The following MAGI2 variants were observed in gnomAD, a reference collection of about 807,000 sequenced individuals.
MAGI2 encodes membrane associated guanylate kinase, WW and PDZ domain containing 2.
Under a neutral mutation model 133.3 loss-of-function variants are expected in MAGI2, and 35 were observed. The observed-to-expected ratio is 0.26, with a 90% confidence interval of 0.20 to 0.35. The LOEUF (loss-of-function observed/expected upper bound fraction) is 0.35. Among genes scored for constraint, MAGI2 ranks in the 10% least tolerant of loss-of-function variants. The pLI is 1.00. For synonymous variants in MAGI2, 729 were observed against 710.6 expected (o/e 1.03, Z -0.41); for missense variants, 1,636 against 1,863.4 (o/e 0.88, Z 2.25).
chr7:78,084,773 T>C (rs1268198071), intron 20 of MAGI2, among the ~76,000 whole-genome samples: 20 of 152,240 alleles, frequency 1.3e-4, no homozygotes, highest in Non-Finnish European at 1.5e-5. Context: ...ATGGGTGCTC[T>C]GACGCTGGGA....
chr7:78,655,454 CAAAAAAAAAA>C, intron 2 of MAGI2, among the ~76,000 whole-genome samples: 6 of 64,948 alleles, frequency 9.2e-5, no homozygotes, highest in East Asian at 5.2e-4. Flanking sequence ...AAAAAACAAC[CAAAAAAAAAA>C]AAAAAAAAAA....
Position 78,629,463 on chromosome 7 carries a change from T to G in MAGI2, c.419-2224A>C, listed in dbSNP as rs145737762. ...CTGATCTCTTGTAATTTCCCTGATG[T>G]TCCCCAAATCTGGCTTTATTTGCCT... On this transcript the variant is annotated intron_variant, in intron 2 of 21. Transcript: ENST00000354212. Among the ~76,000 whole-genome samples the G allele has an allele frequency of 4.7e-4, 71 of 152,284 alleles. No individual in the cohort carries two copies. In the East Asian group the frequency reaches 0.012, roughly 26 times the overall value.
intron 1 of MAGI2, among the ~76,000 whole-genome samples, chr7:79,233,680 A>G (rs1443707445): frequency 1.3e-5 from 1 of 75,996 alleles, no homozygotes; most frequent in East Asian, 3.7e-4. Context: ...TTTTGAGCCT[A>G]TGTGTGTCTC....
chr7:79,260,068 T>TA (rs1051576591), intron 1 of MAGI2, among the ~76,000 whole-genome samples: 40 of 152,328 alleles, frequency 2.6e-4, no homozygotes, highest in African/African-American at 8.4e-4. Flanking sequence ...GCAAGTGCAG[T>TA]ACAAGGCTGG....
intron 10 of MAGI2, among the ~76,000 whole-genome samples, chr7:78,232,934 A>G (rs553160313): frequency 1.5e-4 from 23 of 152,318 alleles, no homozygotes; most frequent in African/African-American, 5.5e-4. Context: ...GTTCACTGCT[A>G]CATTAAGGAG....
chr7:78,369,181 GATC>G lies in MAGI2; in HGVS notation c.1075_1077del (p.Asp359del). ...TCAACATAATAAGTGCCATAAATGG[GATC>G]ATCGATTTTTTCCCAGCCATATGGA... On this transcript the variant is annotated inframe_deletion, in exon 7 of 22. Transcript: ENST00000354212. The G allele has an allele frequency of 6.2e-7, 1 of 1,604,474 alleles. No individual in the cohort carries two copies. The highest frequency in any genetic ancestry group is 8.5e-7 in the Non-Finnish European group (1 of 1,174,470).
chr7:78,663,654 C>A (rs1348428552), intron 2 of MAGI2, among the ~76,000 whole-genome samples: 1 of 152,130 alleles, frequency 6.6e-6, no homozygotes, highest in Non-Finnish European at 1.5e-5. Context: ...GCTAAGAGAC[C>A]TTAGCACGAT....
At chr7:78,094,114 G>A (rs1817493847) in intron 20 of MAGI2, among the ~76,000 whole-genome samples, 1 of 152,128 alleles carries the variant, frequency 6.6e-6, no homozygotes, top group South Asian at 2.1e-4. Flanking sequence ...GTTAATCTTT[G>A]CATGATTATT....
At chr7:78,857,670 G>T (rs1793776468) in intron 2 of MAGI2, among the ~76,000 whole-genome samples, 1 of 152,294 alleles carries the variant, frequency 6.6e-6, no homozygotes, top group Middle Eastern at 3.4e-3. Context: ...TTTTACTGAG[G>T]ATATTTACAT....
intron 1 of MAGI2, among the ~76,000 whole-genome samples, chr7:79,197,644 G>A (rs117342777): frequency 0.011 from 1,647 of 152,092 alleles, 16 homozygotes; most frequent in Non-Finnish European, 0.018. Context: ...TGTTGCTGCT[G>A]TAACAAAATA....
At chr7:79,398,647 T>C (rs1420600086) in intron 1 of MAGI2, among the ~76,000 whole-genome samples, 1 of 152,230 alleles carries the variant, frequency 6.6e-6, no homozygotes, top group Non-Finnish European at 1.5e-5. Flanking sequence ...GAAAAGCCTT[T>C]CTAGCACCAG....
chr7:78,155,751 C>T (rs931224793), intron 16 of MAGI2, among the ~76,000 whole-genome samples: 7 of 152,194 alleles, frequency 4.6e-5, no homozygotes, highest in East Asian at 3.8e-4. Flanking sequence ...TCACTGACCT[C>T]GGAAGGAAGC....
intron 9 of MAGI2, among the ~76,000 whole-genome samples, chr7:78,320,609 G>C (rs1787898216): frequency 2.6e-5 from 4 of 152,180 alleles, no homozygotes; most frequent in Non-Finnish European, 5.9e-5. Context: ...ACTAGGTATT[G>C]ATGGAACATA....
chr7:78,646,603 T>C (rs1183424393), intron 2 of MAGI2, among the ~76,000 whole-genome samples: 1 of 152,214 alleles, frequency 6.6e-6, no homozygotes, highest in Non-Finnish European at 1.5e-5. Context: ...AAAAATATAC[T>C]TGGCAATACA....
intron 1 of MAGI2, among the ~76,000 whole-genome samples, chr7:79,331,436 C>T (rs1029432928): frequency 1.3e-5 from 2 of 152,116 alleles, no homozygotes; most frequent in Non-Finnish European, 1.5e-5. Flanking sequence ...AACTAAAATA[C>T]CAACGTAGAC....
At chr7:78,993,951 A>G (rs1349049422) in intron 2 of MAGI2, among the ~76,000 whole-genome samples, 1 of 152,066 alleles carries the variant, frequency 6.6e-6, no homozygotes, top group Non-Finnish European at 1.5e-5. Flanking sequence ...ATCACTCTGC[A>G]TATTAACCTG....
intron 1 of MAGI2, among the ~76,000 whole-genome samples, chr7:79,332,941 T>C (rs1405329698): frequency 3.3e-5 from 5 of 152,170 alleles, no homozygotes; most frequent in Admixed American, 1.3e-4. Context: ...GAAAACCTTG[T>C]TGATTATATC....
chr7:78,470,057 G>T (rs1219109896), intron 6 of MAGI2, among the ~76,000 whole-genome samples: 4 of 152,014 alleles, frequency 2.6e-5, no homozygotes, highest in Non-Finnish European at 5.9e-5. Context: ...ATCAGCCCCT[G>T]CATTTTCTTT....
intron 1 of MAGI2, among the ~76,000 whole-genome samples, chr7:79,281,595 A>G (rs185233618): frequency 2.6e-5 from 4 of 152,290 alleles, no homozygotes; most frequent in African/African-American, 9.6e-5. Flanking sequence ...CATAAGAAAA[A>G]TTGCTGAGTC....
Sources: gnomAD v4.1 joint callset for allele counts (sites outside exome capture counted in the v4.1 genomes callset) on GRCh38, gnomAD v4.1.1 for gene constraint, MANE v1.5 for transcripts, NCBI Gene and HGNC (gene_info 2026-07-23, HGNC 2026-07-21) for gene names.